The following C10orf53 variants were observed in gnomAD, a reference collection of about 807,000 sequenced individuals.
C10orf53 encodes the protein UPF0728 protein C10orf53.
In C10orf53, 8 loss-of-function variants were observed where a neutral mutation model predicts 9.4. The observed-to-expected ratio is 0.85, with a 90% CI of 0.50 to 1.53. The LOEUF (loss-of-function observed/expected upper bound fraction) is 1.53, where lower values mean the gene tolerates loss of function less well. Among genes scored for constraint, C10orf53 ranks in the 40% most tolerant of loss-of-function variants. The pLI is 0.00. For missense variants in C10orf53, 117 were observed against 117.8 expected (o/e 0.99, Z 0.03); for synonymous variants, 48 against 46.0 (o/e 1.04, Z -0.18).
chr10:49,688,653 GC>G (rs1015296132), intron 1 of C10orf53, among the ~76,000 whole-genome samples: 2 of 128,262 alleles, frequency 1.6e-5, no homozygotes, highest in African/African-American at 6.2e-5. Context: ...TCCTGCTTCT[GC>G]CTATCCTCTC....
chr10:49,706,675 G>C (rs181520505), intron 2 of C10orf53, among the ~76,000 whole-genome samples: 3 of 152,226 alleles, frequency 2.0e-5, no homozygotes, highest in Admixed American at 2.0e-4. Context: ...ACAAGTTCAT[G>C]AACATAGTAA....
At position 49,683,403 on chromosome 10, in the gene C10orf53, C is replaced by A. The variant is rs371355586; in HGVS notation, c.97+3609C>A. ...TTTTTGTTACTGAGTTGGAAAATTT[C>A]TTTAGATATTCTGAATATGAGACCC... is the stretch of plus-strand genomic sequence containing the variant. On this transcript the variant is annotated intron_variant, in intron 1 of 2. Transcript: ENST00000374111. Among the ~76,000 whole-genome samples the A allele has an allele frequency of 1.1e-3, 173 of 152,180 alleles. 1 individual carries two copies. The highest frequency in any genetic ancestry group is 1.6e-3 in the Non-Finnish European group (111 of 68,004).
At chr10:49,707,347 C>CGTTA (rs1288044354) in intron 2 of C10orf53, among the ~76,000 whole-genome samples, 1 of 152,194 alleles carries the variant, frequency 6.6e-6, no homozygotes, top group African/African-American at 2.4e-5. Flanking sequence ...TTTCCCACTC[C>CGTTA]ATCCCTTCCC....
chr10:49,694,468 T>G, intron 2 of C10orf53, 70 bp from the exon 3 acceptor site: 1 of 1,594,622 alleles, frequency 6.3e-7, no homozygotes, highest in South Asian at 1.1e-5. Context: ...GTGGAAGCCA[T>G]AGGTATGTCT....
chr10:49,697,106 T>C lies in C10orf53; in HGVS notation c.*2504T>C, dbSNP rs1564507555. On this transcript the variant is annotated 3_prime_UTR_variant, in exon 3 of 3. Coordinates refer to ENST00000374111, the MANE Select transcript of C10orf53 (RefSeq NM_001042427.3). ...TACTTGAGGGGCTGAGGCAGGAGGATCACCTGAGCCCAGGAGCTAGAGGCT... is the reference window on the plus strand; with the variant it reads ...TACTTGAGGGGCTGAGGCAGGAGGACCACCTGAGCCCAGGAGCTAGAGGCT... Among the ~76,000 whole-genome samples, 1 of 152,116 alleles carries C rather than the reference T, an allele frequency of 6.6e-6. No individual in the cohort carries two copies. The highest frequency in any genetic ancestry group is 1.5e-5 in the Non-Finnish European group (1 of 68,022).
chr10:49,680,720 C>T (rs1269686810), intron 1 of C10orf53, among the ~76,000 whole-genome samples: 2 of 152,112 alleles, frequency 1.3e-5, no homozygotes, highest in South Asian at 2.1e-4. Context: ...ATGAGAGTAG[C>T]TTGGACCATA....
intron 2 of C10orf53, among the ~76,000 whole-genome samples, chr10:49,705,835 A>G (rs574355071): frequency 4.1e-4 from 62 of 152,322 alleles, no homozygotes; most frequent in Non-Finnish European, 7.1e-4. Context: ...AAACGAAAAA[A>G]TAACTCACAA....
chr10:49,707,990 CTAAG>C (rs1840734572), intron 2 of C10orf53, among the ~76,000 whole-genome samples: 1 of 152,070 alleles, frequency 6.6e-6, no homozygotes, highest in African/African-American at 2.4e-5. Context: ...GCCTGGAGTT[CTAAG>C]TGTTTCTAAA....
At chr10:49,697,795 C>T (rs1421906829), downstream of C10orf53, among the ~76,000 whole-genome samples, 1 of 152,190 alleles carries the variant, frequency 6.6e-6, no homozygotes, top group Non-Finnish European at 1.5e-5. Context: ...ATCCACCCAC[C>T]TCGGCCTCCC....
At chr10:49,694,213 T>C in intron 2 of C10orf53, 1 of 579,418 alleles carries the variant, frequency 1.7e-6, no homozygotes, top group Middle Eastern at 4.5e-4. Flanking sequence ...TATTCTGTTA[T>C]TATTTGCTTT....
At chr10:49,703,840 G>A (rs1840704209) in intron 2 of C10orf53, among the ~76,000 whole-genome samples, 2 of 152,150 alleles carry the variant, frequency 1.3e-5, no homozygotes, top group African/African-American at 4.8e-5. Context: ...AAGACAACCT[G>A]ATTATAAAGT....
At chr10:49,684,618 TA>T (rs1840510170) in intron 1 of C10orf53, among the ~76,000 whole-genome samples, 1 of 152,230 alleles carries the variant, frequency 6.6e-6, no homozygotes, top group South Asian at 2.1e-4. Flanking sequence ...GATACTACTA[TA>T]AATGGAATTG....
intron 2 of C10orf53, among the ~76,000 whole-genome samples, chr10:49,707,451 CTACAGTGCCCATA>C (rs1215372459): frequency 6.6e-6 from 1 of 152,178 alleles, no homozygotes; most frequent in Non-Finnish European, 1.5e-5. Context: ...GCACAACCAG[CTACAGTGCCCATA>C]TACAGTGAAC....
chr10:49,703,936 G>A (rs1348891598), intron 2 of C10orf53, among the ~76,000 whole-genome samples: 1 of 152,046 alleles, frequency 6.6e-6, no homozygotes, highest in African/African-American at 2.4e-5. Flanking sequence ...TATGATAAAG[G>A]GCCTCTCAAA....
At chr10:49,693,626 C>T (rs896435681) in intron 1 of C10orf53, 148 bp from the exon 2 acceptor site, 47 of 975,748 alleles carry the variant, frequency 4.8e-5, no homozygotes, top group East Asian at 3.4e-4. Context: ...CTGGGGCCAA[C>T]ACCCAGAAAG....
chr10:49,708,261 C>A, intron 2 of C10orf53: 2 of 1,509,148 alleles, frequency 1.3e-6, no homozygotes, highest in South Asian at 1.4e-5. Context: ...CTGAAAAGTC[C>A]AGCTATAGGC....
At chr10:49,689,411 G>A (rs540821003) in intron 1 of C10orf53, among the ~76,000 whole-genome samples, 86 of 152,274 alleles carry the variant, frequency 5.6e-4, no homozygotes, top group South Asian at 1.0e-3. Context: ...ATTTACCCTC[G>A]GCGGGAGAGT....
intron 1 of C10orf53, among the ~76,000 whole-genome samples, chr10:49,690,670 C>T (rs1840574439): frequency 6.6e-6 from 1 of 152,198 alleles, no homozygotes; most frequent in Admixed American, 6.5e-5. Context: ...CACACTTGCC[C>T]CTTGCATGCT....
At chr10:49,700,996 C>T (rs1303672449), downstream of C10orf53, among the ~76,000 whole-genome samples, 1 of 139,204 alleles carries the variant, frequency 7.2e-6, no homozygotes, top group Non-Finnish European at 1.6e-5. Flanking sequence ...AGCCAGGCCA[C>T]ATTTAGGATA....
Sources: gnomAD v4.1 joint callset for allele counts (sites outside exome capture counted in the v4.1 genomes callset) on GRCh38, gnomAD v4.1.1 for gene constraint, MANE v1.5 for transcripts, NCBI Gene and HGNC (gene_info 2026-07-23, HGNC 2026-07-21) for gene names.